The following KPNB1 variants were observed in gnomAD, a reference collection of about 807,000 sequenced individuals.
KPNB1 encodes karyopherin subunit beta 1.
In KPNB1, 7 loss-of-function variants were observed where a neutral mutation model predicts 113.0. The ratio of observed to expected loss-of-function variants is 0.06; its 90% CI spans 0.04 to 0.12. The LOEUF is 0.12. KPNB1 is among the 10% of genes least tolerant of loss of function. KPNB1 has a pLI of 1.00. For synonymous variants in KPNB1, 363 were observed against 378.6 expected, an observed-to-expected ratio of 0.96 and a Z score of 0.48; for missense variants, 400 against 1,054.8, an observed-to-expected ratio of 0.38 and a Z score of 8.60.
chr17:47,677,933 AG>A, intron 17 of KPNB1, 112 bp from the exon 18 acceptor site: 1 of 1,080,076 alleles, frequency 9.3e-7, no homozygotes, highest in East Asian at 2.4e-5. Context: ...TAAGCTATAA[AG>A]GACCATCCAA....
rs1467781145 is a variant in KPNB1 at position 47,684,447 on chromosome 17, C to T, written c.*2043C>T. ...CCCTATTAAGAAGAGGCCTGGTCCTCTAATGCCTTGTTTCCATTTCAGTTG... is the reference window on the plus strand; with the variant it reads ...CCCTATTAAGAAGAGGCCTGGTCCTTTAATGCCTTGTTTCCATTTCAGTTG... On this transcript the variant is annotated 3_prime_UTR_variant, in exon 22 of 22. Coordinates refer to ENST00000290158, the MANE Select transcript of KPNB1 (RefSeq NM_002265.6). 2 of 152,084 alleles carry T rather than the reference C, an allele frequency of 1.3e-5. No homozygotes were observed. Among genetic ancestry groups the T allele is most frequent in the African/African-American group, 4.8e-5 (2 of 41,400 alleles). 9.4% of individuals were successfully genotyped at this position (152,084 alleles called of 1,614,324 possible). A position where few individuals can be genotyped will look rare whatever the true frequency, so the allele number is the denominator to read the frequency against.
chr17:47,653,540 CTGT>C (rs1340496460), intron 3 of KPNB1, among the ~76,000 whole-genome samples: 3 of 152,122 alleles, frequency 2.0e-5, no homozygotes, highest in East Asian at 3.9e-4. Flanking sequence ...CCTCGCCTGG[CTGT>C]TGTTGTTTTT....
Position 47,659,926 on chromosome 17 carries a change from A to ATGTATG in KPNB1, c.637-1185_637-1180dup, listed in dbSNP as rs1451509318. ...AAAAAAAAAATATATATATATGTAT[A>ATGTATG]TGTATGTGTATGTATAATATATATG... On this transcript the variant is annotated intron_variant, in intron 5 of 21. Coordinates refer to ENST00000290158, the MANE Select transcript of KPNB1 (RefSeq NM_002265.6). Among the ~76,000 whole-genome samples the ATGTATG allele has an allele frequency of 2.5e-3, 373 of 151,938 alleles. 2 individuals are homozygous for ATGTATG. The highest frequency in any genetic ancestry group is 8.7e-3 in the African/African-American group (359 of 41,486).
At chr17:47,653,291 T>TTTTTC (rs997505823) in intron 3 of KPNB1, among the ~76,000 whole-genome samples, 1 of 150,202 alleles carries the variant, frequency 6.7e-6, no homozygotes, top group African/African-American at 2.5e-5. Context: ...TTTTTTTTTT[T>TTTTTC]TGGAGACAGT....
At chr17:47,654,521 A>G (rs1004694737) in intron 3 of KPNB1, among the ~76,000 whole-genome samples, 6 of 152,042 alleles carry the variant, frequency 3.9e-5, no homozygotes, top group African/African-American at 7.2e-5. Context: ...CTTTCATAGC[A>G]CAACGATAAC....
rs1264092568 is a variant in KPNB1 at position 47,650,057 on chromosome 17, G to C, written c.-188G>C. The stretch of plus-strand genomic sequence containing the variant: ...GCCCATTTGGAGGGAGGAAGTAAGG[G>C]AAGAGGAGAGGAAGGGGAGCCGGAC... On this transcript the variant is annotated 5_prime_UTR_variant, in exon 1 of 22. Coordinates refer to ENST00000290158, the MANE Select transcript of KPNB1 (RefSeq NM_002265.6). The C allele has an allele frequency of 1.4e-6, 2 of 1,384,634 alleles. No individual in the cohort carries two copies. The highest frequency in any genetic ancestry group is 1.9e-6 in the Non-Finnish European group (2 of 1,075,474). The allele number at this position is 1,384,634 out of a possible 1,614,324, so 85.8% of individuals were successfully genotyped here. A position where few individuals can be genotyped will look rare whatever the true frequency, so the allele number is the denominator to read the frequency against.
rs567638634 is a variant in KPNB1, at chr17:47,685,255, C to T, written c.*2851C>T. The T allele has an allele frequency of 6.6e-6, 1 of 152,292 alleles. No homozygotes were observed. The highest frequency in any genetic ancestry group is 2.4e-5 in the African/African-American group (1 of 41,548). 9.4% of individuals were successfully genotyped at this position (152,292 alleles called of 1,614,324 possible). On this transcript the variant is annotated 3_prime_UTR_variant, in exon 22 of 22. Transcript: ENST00000290158. ...GTTTTAACTTTCAGAACCAAGCAAT[C>T]TATTTACTCTTACAAATATTTAAGA...
intron 3 of KPNB1, among the ~76,000 whole-genome samples, chr17:47,656,116 T>C (rs917595465): frequency 6.6e-6 from 1 of 152,136 alleles, no homozygotes; most frequent in Non-Finnish European, 1.5e-5. Context: ...TAGCCGGGCA[T>C]GGTGGCAGGC....
At chr17:47,677,994 T>C in intron 17 of KPNB1, 52 bp from the exon 18 acceptor site, 1 of 1,562,782 alleles carries the variant, frequency 6.4e-7, no homozygotes, top group Non-Finnish European at 8.8e-7. Context: ...TCATGAATCT[T>C]TGGACCAAAC....
intron 9 of KPNB1, among the ~76,000 whole-genome samples, chr17:47,666,525 T>C (rs2030284707): frequency 8.6e-6 from 1 of 115,798 alleles, no homozygotes; most frequent in Admixed American, 1.0e-4. Flanking sequence ...ATTTTATATG[T>C]ATTATGTTAT....
At chr17:47,676,044 A>C (rs1163160118) in intron 15 of KPNB1, among the ~76,000 whole-genome samples, 1 of 152,204 alleles carries the variant, frequency 6.6e-6, no homozygotes, top group Non-Finnish European at 1.5e-5. Context: ...GGCTTGCAGA[A>C]AGGACATGCT....
chr17:47,651,418 C>T (rs1705797958), intron 2 of KPNB1: 20 of 893,836 alleles, frequency 2.2e-5, no homozygotes, highest in Non-Finnish European at 2.7e-5. Context: ...CATATGTGTT[C>T]CTTTGTGTTA....
intron 5 of KPNB1, among the ~76,000 whole-genome samples, chr17:47,659,909 A>AAT (rs1210749369): frequency 2.0e-5 from 3 of 150,924 alleles, no homozygotes; most frequent in South Asian, 2.1e-4. Context: ...AAAAAAAAAA[A>AAT]ATATATATAT....
At chr17:47,653,271 ATTTTTT>A (rs3067142) in intron 3 of KPNB1, among the ~76,000 whole-genome samples, 24 of 109,852 alleles carry the variant, frequency 2.2e-4, no homozygotes, top group Non-Finnish European at 2.3e-4. Flanking sequence ...AGCTCAGGGA[ATTTTTT>A]TTTTTTTTTT....
intron 7 of KPNB1, 64 bp from the exon 8 acceptor site, chr17:47,664,095 G>C: frequency 1.0e-6 from 1 of 957,762 alleles, no homozygotes; most frequent in Non-Finnish European, 1.6e-6. Context: ...GTTAAAGCCG[G>C]GTTGGGGCAG....
At chr17:47,669,437 A>G (rs1396433224) in intron 10 of KPNB1, among the ~76,000 whole-genome samples, 2 of 152,158 alleles carry the variant, frequency 1.3e-5, no homozygotes, top group African/African-American at 4.8e-5. Context: ...TATCTGAGTA[A>G]TTTATTGCAG....
At chr17:47,681,051 T>G (rs2030756493) in intron 21 of KPNB1, among the ~76,000 whole-genome samples, 1 of 106,024 alleles carries the variant, frequency 9.4e-6, no homozygotes, top group Admixed American at 1.0e-4. Flanking sequence ...AGTCAAATGT[T>G]TTTTTGTGTG....
At chr17:47,674,243 G>C (rs1020553446) in intron 14 of KPNB1, among the ~76,000 whole-genome samples, 21 of 152,158 alleles carry the variant, frequency 1.4e-4, no homozygotes, top group Admixed American at 3.3e-4. Context: ...GTAGGATATA[G>C]GAAGGGTTGC....
At chr17:47,660,129 C>T (rs2030048621) in intron 5 of KPNB1, among the ~76,000 whole-genome samples, 1 of 152,160 alleles carries the variant, frequency 6.6e-6, no homozygotes. Context: ...CCCCCTTTCT[C>T]AGCCACTGGT....
Sources: allele counts gnomAD v4.1 joint callset (sites outside exome capture counted in the v4.1 genomes callset), GRCh38; gene constraint gnomAD v4.1.1; transcripts MANE v1.5; gene names NCBI Gene and HGNC (gene_info 2026-07-23, HGNC 2026-07-21).